CYTH3: variants seen among roughly 807,000 people sequenced by gnomAD.
CYTH3 encodes cytohesin 3.
CYTH3 carries 23 observed loss-of-function variants against 55.1 expected under a neutral mutation model. The observed-to-expected ratio is 0.42, with a 90% confidence interval of 0.30 to 0.59. CYTH3 has a LOEUF of 0.59. Ranked by LOEUF, CYTH3 falls within the 20% of genes least tolerant of loss-of-function variation. CYTH3 has a pLI of 0.20. For synonymous variants in CYTH3, 249 were observed against 194.9 expected (o/e 1.28, Z -2.31); for missense variants, 413 against 524.8 (o/e 0.79, Z 2.08).
intron 1 of CYTH3, among the ~76,000 whole-genome samples, chr7:6,236,316 A>C (rs1383656420): frequency 4.2e-5 from 6 of 142,148 alleles, no homozygotes; most frequent in Non-Finnish European, 7.6e-5. Flanking sequence ...CAATCCTCCC[A>C]CCTCAGCCTC....
chr7:6,205,803 ATT>A (rs1292929748), intron 1 of CYTH3, among the ~76,000 whole-genome samples: 2 of 142,618 alleles, frequency 1.4e-5, no homozygotes, highest in Non-Finnish European at 3.0e-5. Flanking sequence ...GAGCCCAGCA[ATT>A]TGAGGCTGCA....
chr7:6,258,715 C>G (rs1780199067), intron 1 of CYTH3, among the ~76,000 whole-genome samples: 1 of 152,154 alleles, frequency 6.6e-6, no homozygotes, highest in Non-Finnish European at 1.5e-5. Flanking sequence ...CTTCTGTCCC[C>G]CAAATATCTA....
intron 1 of CYTH3, among the ~76,000 whole-genome samples, chr7:6,210,160 C>G (rs545087974): frequency 1.3e-5 from 2 of 152,244 alleles, no homozygotes; most frequent in African/African-American, 4.8e-5. Flanking sequence ...ATGCACCACA[C>G]TAATGTAAGA....
chr7:6,170,735 G>C lies in CYTH3; in HGVS notation c.712-89C>G, dbSNP rs1047126906. The C allele has an allele frequency of 1.3e-6, 2 of 1,564,478 alleles. No individual in the cohort carries two copies. Among genetic ancestry groups the C allele is most frequent in the African/African-American group, 1.4e-5 (1 of 73,736 alleles). On this transcript the variant is annotated intron_variant, in intron 8 of 12. Transcript: ENST00000350796. The surrounding 1 kb of genome is among the most constrained non-coding windows in gnomAD (Gnocchi z 7.8). ...AGCTCAGCGGGACCAGGGCGGCAAGGAGGCTTGGGAGGCGTGTCTAGAGCC... is the reference window on the plus strand; with the variant it reads ...AGCTCAGCGGGACCAGGGCGGCAAGCAGGCTTGGGAGGCGTGTCTAGAGCC...
intron 1 of CYTH3, among the ~76,000 whole-genome samples, chr7:6,267,536 T>C (rs767703025): frequency 7.9e-5 from 12 of 152,042 alleles, no homozygotes; most frequent in Non-Finnish European, 1.2e-4. Context: ...CCAGAATATT[T>C]TGTTTGTTTG....
At chr7:6,191,318 T>G (rs890542623) in intron 1 of CYTH3, among the ~76,000 whole-genome samples, 6 of 151,736 alleles carry the variant, frequency 4.0e-5, no homozygotes, top group Non-Finnish European at 1.5e-5. Flanking sequence ...TAAATCAACA[T>G]AGACAGCGCC....
chr7:6,257,298 A>G (rs1263796070), intron 1 of CYTH3, among the ~76,000 whole-genome samples: 1 of 152,230 alleles, frequency 6.6e-6, no homozygotes. Flanking sequence ...CCCATACTCT[A>G]ACACAAACAA....
At chr7:6,265,873 A>G (rs1780479169) in intron 1 of CYTH3, among the ~76,000 whole-genome samples, 1 of 152,172 alleles carries the variant, frequency 6.6e-6, no homozygotes, top group Non-Finnish European at 1.5e-5. Context: ...TTTTGGCCTG[A>G]GCAACTGGAA....
In CYTH3 at chr7:6,169,523, A is replaced by T. The variant is rs1583731783; in HGVS notation, c.823+1012T>A. 6.6e-6 allele frequency among the ~76,000 whole-genome samples: 1 copy of T among 152,112 alleles called. No individual in the cohort carries two copies. Among genetic ancestry groups the T allele is most frequent in the Admixed American group, 6.6e-5 (1 of 15,260 alleles). ...ACTGCACCCGGCTGATAAAATTTTT[A>T]AAAAATCACCAGGATGCTCCACTCC... On this transcript the variant is annotated intron_variant, in intron 9 of 12. Coordinates refer to ENST00000350796, the MANE Select transcript of CYTH3 (RefSeq NM_004227.4). This position sits in a 1 kb window ranked among gnomAD's most constrained non-coding sequence, Gnocchi z 4.1.
chr7:6,260,306 AAG>A (rs373366231), intron 1 of CYTH3, among the ~76,000 whole-genome samples: 1 of 152,296 alleles, frequency 6.6e-6, no homozygotes, highest in African/African-American at 2.4e-5. Context: ...TACTTATACT[AAG>A]AGTGTGAAAA....
rs555687441 is a variant in CYTH3, at chr7:6,239,726, CTAGT to C, written c.34+32744_34+32747del. Among the ~76,000 whole-genome samples, 254 of 152,188 alleles carry C rather than the reference CTAGT, an allele frequency of 1.7e-3. 1 individual carries two copies. The highest frequency in any genetic ancestry group is 5.2e-3 in the African/African-American group (218 of 41,526). On this transcript the variant is annotated intron_variant, in intron 1 of 12. Coordinates refer to ENST00000350796, the MANE Select transcript of CYTH3 (RefSeq NM_004227.4). ...CAATAGCTTTCATAAATTCAAATAA[CTAGT>C]TAGACACTAAAGTAGAAAAGAATAC...
intron 1 of CYTH3, among the ~76,000 whole-genome samples, chr7:6,227,873 G>A (rs1222497601): frequency 6.6e-6 from 1 of 152,088 alleles, no homozygotes; most frequent in Admixed American, 6.5e-5. Context: ...ACTGGACCTC[G>A]GCTGAACCAG....
chr7:6,228,095 T>C (rs1779298431), intron 1 of CYTH3, among the ~76,000 whole-genome samples: 1 of 152,236 alleles, frequency 6.6e-6, no homozygotes, highest in Admixed American at 6.5e-5. Context: ...ATTTAAGTAT[T>C]TAACTCTGCT....
rs138276274 is a variant in CYTH3 at position 6,234,590 on chromosome 7, C to G, written c.34+37884G>C. On this transcript the variant is annotated intron_variant, in intron 1 of 12. Transcript: ENST00000350796. ...GGATGCTCATGAAGAGGGCTGGTCTCGGGACATCCCACACCTGTGACTGGA... is the reference window on the plus strand; with the variant it reads ...GGATGCTCATGAAGAGGGCTGGTCTGGGGACATCCCACACCTGTGACTGGA... Among the ~76,000 whole-genome samples, 3 of 152,274 alleles carry G rather than the reference C, an allele frequency of 2.0e-5. No homozygotes were observed. The East Asian group carries it at 5.8e-4, about 29-fold the overall frequency.
chr7:6,161,861 C>A lies in CYTH3; in HGVS notation c.*3083G>T, dbSNP rs1177452634. 1.3e-5 allele frequency: 2 copies of A among 152,612 alleles called. No homozygotes were observed. Among genetic ancestry groups the A allele is most frequent in the African/African-American group, 4.8e-5 (2 of 41,460 alleles). The allele number at this position is 152,612 out of a possible 1,614,324, so 9.5% of individuals were successfully genotyped here. A position where few individuals can be genotyped will look rare whatever the true frequency, so the allele number is the denominator to read the frequency against. ...AGCCATCCACCCTCCAATCTTACTT[C>A]ACTTTACAACCAAGTATCAATAGAG... On this transcript the variant is annotated 3_prime_UTR_variant, in exon 13 of 13. Coordinates refer to ENST00000350796, the MANE Select transcript of CYTH3 (RefSeq NM_004227.4).
At chr7:6,177,047 TG>T (rs547642074) in intron 5 of CYTH3, among the ~76,000 whole-genome samples, 262 of 152,360 alleles carry the variant, frequency 1.7e-3, no homozygotes, top group African/African-American at 6.1e-3. Context: ...CTTGCATGCA[TG>T]GGGTAAGTCC....
chr7:6,257,496 C>A (rs1028754474), intron 1 of CYTH3, among the ~76,000 whole-genome samples: 12 of 152,116 alleles, frequency 7.9e-5, no homozygotes, highest in Non-Finnish European at 1.8e-4. Context: ...TAAATGTACA[C>A]GTTAAAATAC....
intron 5 of CYTH3, among the ~76,000 whole-genome samples, chr7:6,174,517 G>A (rs1420157470): frequency 2.1e-5 from 3 of 145,744 alleles, no homozygotes; most frequent in East Asian, 2.0e-4. Flanking sequence ...CCTAATGGGT[G>A]TGAAATGGTA....
At chr7:6,206,112 T>C (rs948446087) in intron 1 of CYTH3, among the ~76,000 whole-genome samples, 7 of 152,260 alleles carry the variant, frequency 4.6e-5, no homozygotes, top group African/African-American at 9.6e-5. Context: ...ACTCTAGTTA[T>C]ATACCCCAAA....
Sources: allele counts gnomAD v4.1 joint callset (sites outside exome capture counted in the v4.1 genomes callset), GRCh38; gene constraint gnomAD v4.1.1; non-coding constraint Gnocchi (gnomAD v3.1); transcripts MANE v1.5; gene names NCBI Gene and HGNC (gene_info 2026-07-23, HGNC 2026-07-21).